Variants in OR51B5 observed in about 807,000 individuals in gnomAD.
The protein encoded by OR51B5 is olfactory receptor 51B5.
For missense variants in OR51B5, 456 were observed against 374.6 expected (o/e 1.22, Z -1.79); for synonymous variants, 186 against 144.8 (o/e 1.28, Z -2.04).
chr11:5,491,529 C>G (rs1299536959), intron 1 of OR51B5, among the ~76,000 whole-genome samples: 1 of 152,122 alleles, frequency 6.6e-6, no homozygotes, highest in Non-Finnish European at 1.5e-5. Flanking sequence ...AGGAAGGAGA[C>G]AGCAAAGAGG....
At chr11:5,495,677 A>G (rs994886816) in intron 1 of OR51B5, among the ~76,000 whole-genome samples, 6 of 141,580 alleles carry the variant, frequency 4.2e-5, no homozygotes, top group Non-Finnish European at 9.9e-5. Flanking sequence ...AGGAAGAACC[A>G]GGAGCTACAA....
intron 1 of OR51B5, among the ~76,000 whole-genome samples, chr11:5,407,988 A>G (rs1030489194): frequency 7.2e-5 from 11 of 152,140 alleles, no homozygotes; most frequent in Non-Finnish European, 1.6e-4. Flanking sequence ...CTTTCAGTCT[A>G]TATTTCAATA....
chr11:5,492,012 C>T (rs1772629383), intron 1 of OR51B5, among the ~76,000 whole-genome samples: 1 of 152,186 alleles, frequency 6.6e-6, no homozygotes, highest in Non-Finnish European at 1.5e-5. Flanking sequence ...GCAAAGAAGA[C>T]TTAACCTCAG....
intron 1 of OR51B5, among the ~76,000 whole-genome samples, chr11:5,439,988 C>T (rs1242355117): frequency 6.6e-6 from 1 of 152,142 alleles, no homozygotes; most frequent in African/African-American, 2.4e-5. Flanking sequence ...TCTTCTCAGG[C>T]AATTATCTCT....
intron 1 of OR51B5, among the ~76,000 whole-genome samples, chr11:5,360,812 T>C (rs1352743627): frequency 1.3e-5 from 2 of 148,470 alleles, no homozygotes; most frequent in Non-Finnish European, 3.0e-5. Flanking sequence ...TATGCAGCCA[T>C]AAAAAATGAA....
At chr11:5,418,461 A>C (rs1365900780) in intron 1 of OR51B5, among the ~76,000 whole-genome samples, 1 of 151,964 alleles carries the variant, frequency 6.6e-6, no homozygotes, top group Non-Finnish European at 1.5e-5. Context: ...AACAAACAAA[A>C]AAAGCACCGA....
chr11:5,453,169 C>A (rs2030092), intron 1 of OR51B5: 156,012 of 197,154 alleles, frequency 0.79, 61,934 homozygotes, highest in African/African-American at 0.81. Context: ...AAAATATATG[C>A]AAGTTGTAGA....
chr11:5,414,760 C>T (rs1298829514), intron 1 of OR51B5, among the ~76,000 whole-genome samples: 1 of 152,140 alleles, frequency 6.6e-6, no homozygotes, highest in Non-Finnish European at 1.5e-5. Flanking sequence ...TACAGGAGCA[C>T]CCAGATTCAT....
At chr11:5,490,606 C>T (rs1225689268) in intron 1 of OR51B5, among the ~76,000 whole-genome samples, 1 of 152,130 alleles carries the variant, frequency 6.6e-6, no homozygotes, top group African/African-American at 2.4e-5. Flanking sequence ...CATCTCCTTC[C>T]AACTGTTCAA....
At chr11:5,445,194 T>C (rs576420120) in intron 1 of OR51B5, among the ~76,000 whole-genome samples, 1 of 152,132 alleles carries the variant, frequency 6.6e-6, no homozygotes, top group African/African-American at 2.4e-5. Flanking sequence ...AAAAAGACTA[T>C]GAAATAGAGA....
intron 1 of OR51B5, chr11:5,391,332 G>A (rs1040549850): frequency 6.6e-6 from 1 of 152,130 alleles, no homozygotes; most frequent in Non-Finnish European, 1.5e-5. Context: ...ATGCTCCATC[G>A]GTTTCCTTCC....
intron 1 of OR51B5, among the ~76,000 whole-genome samples, chr11:5,361,045 A>G (rs1477687877): frequency 1.3e-5 from 2 of 152,014 alleles, no homozygotes; most frequent in Admixed American, 6.6e-5. Context: ...ATGCTAAGTG[A>G]CGAGTTAATG....
intron 1 of OR51B5, among the ~76,000 whole-genome samples, chr11:5,461,268 G>A (rs1851046461): frequency 6.6e-6 from 1 of 152,284 alleles, no homozygotes; most frequent in African/African-American, 2.4e-5. Context: ...GGGGGTGGAG[G>A]CGAGGCGCGC....
intron 1 of OR51B5, among the ~76,000 whole-genome samples, chr11:5,374,088 G>A (rs1381105066): frequency 6.6e-6 from 1 of 152,128 alleles, no homozygotes; most frequent in Non-Finnish European, 1.5e-5. Flanking sequence ...CCCCAAGTAA[G>A]GGCAGACTGA....
chr11:5,380,413 C>G (rs1032999810), intron 1 of OR51B5, among the ~76,000 whole-genome samples: 87 of 152,190 alleles, frequency 5.7e-4, no homozygotes, highest in African/African-American at 1.8e-3. Flanking sequence ...CCGCATCGAT[C>G]TCACACCACA....
chr11:5,397,528 A>G (rs1291519637), intron 1 of OR51B5, among the ~76,000 whole-genome samples: 83 of 150,006 alleles, frequency 5.5e-4, no homozygotes, highest in Non-Finnish European at 9.0e-4. Context: ...TTAGAATGGC[A>G]ATCATTAAAA....
At chr11:5,379,992 A>AT (rs1168092065) in intron 1 of OR51B5, among the ~76,000 whole-genome samples, 1 of 150,666 alleles carries the variant, frequency 6.6e-6, no homozygotes, top group Admixed American at 6.6e-5. Flanking sequence ...AAAACTTTAA[A>AT]AAAAAAAAAT....
upstream of OR51B5, among the ~76,000 whole-genome samples, chr11:5,348,054 A>G (rs34611556): frequency 0.3 from 45,044 of 151,936 alleles, 7,375 homozygotes; most frequent in Non-Finnish European, 0.38. Context: ...CAAGGCAAAA[A>G]AAAAACAGAG....
intron 1 of OR51B5, among the ~76,000 whole-genome samples, chr11:5,400,845 A>G (rs891220651): frequency 1.6e-4 from 25 of 152,364 alleles, no homozygotes; most frequent in Admixed American, 1.5e-3. Flanking sequence ...GAAGAACTTC[A>G]TAATAACCAT....
Sources: allele counts gnomAD v4.1 joint callset (sites outside exome capture counted in the v4.1 genomes callset), GRCh38; gene constraint gnomAD v4.1.1; transcripts MANE v1.5; gene names NCBI Gene and HGNC (gene_info 2026-07-23, HGNC 2026-07-21).